AFAP1: variants seen among roughly 807,000 people sequenced by gnomAD.
AFAP1 encodes actin filament associated protein 1, also known as actin filament-associated protein 1.
A neutral mutation model predicts 93.9 loss-of-function variants in AFAP1; 75 were observed. The observed-to-expected ratio is 0.80, with a 90% CI of 0.66 to 0.97. The LOEUF (loss-of-function observed/expected upper bound fraction) is 0.97, where lower values mean the gene tolerates loss of function less well. Ranked by LOEUF, AFAP1 falls within the 50% of genes least tolerant of loss-of-function variation. The pLI is 0.00. For missense variants in AFAP1, 1,201 were observed against 1,050.8 expected (o/e 1.14, Z -1.98); for synonymous variants, 517 against 430.7 (o/e 1.20, Z -2.48).
intron 1 of AFAP1, among the ~76,000 whole-genome samples, chr4:7,915,741 C>A (rs925711317): frequency 1.1e-3 from 169 of 152,384 alleles, no homozygotes; most frequent in Non-Finnish European, 1.5e-3. Context: ...AGAACCCCCA[C>A]AAAACCACTT....
rs1430119572 is a variant in AFAP1, at chr4:7,798,635, C to T, written c.1266+1807G>A. Among the ~76,000 whole-genome samples, 4 of 152,204 alleles carry T rather than the reference C, an allele frequency of 2.6e-5. No homozygotes were observed. In the South Asian group the frequency reaches 6.2e-4, roughly 24 times the overall value. On this transcript the variant is annotated intron_variant, in intron 10 of 17. Transcript: ENST00000420658. ...TGGGTAAATTTCCAATTCTTGCTGT[C>T]GTGTCATTCAGGAAACTGCGTCTAC...
intron 1 of AFAP1, among the ~76,000 whole-genome samples, chr4:7,918,968 G>GCCAC: frequency 6.9e-6 from 1 of 144,852 alleles, no homozygotes; most frequent in Admixed American, 7.0e-5. Flanking sequence ...AGGGCTGTTG[G>GCCAC]AAGAGACACT....
intron 4 of AFAP1, among the ~76,000 whole-genome samples, chr4:7,853,013 C>T (rs1288294239): frequency 5.3e-5 from 8 of 152,108 alleles, no homozygotes; most frequent in Non-Finnish European, 1.2e-4. Context: ...TAGGCTCAAG[C>T]GTGCGCTGCT....
intron 1 of AFAP1, among the ~76,000 whole-genome samples, chr4:7,884,755 T>C (rs1718047206): frequency 1.3e-5 from 2 of 152,248 alleles, no homozygotes; most frequent in Admixed American, 1.3e-4. Flanking sequence ...ATGAATTCTT[T>C]TATAACCTGG....
intron 4 of AFAP1, among the ~76,000 whole-genome samples, chr4:7,844,480 C>T (rs1057408248): frequency 2.6e-5 from 4 of 152,230 alleles, no homozygotes; most frequent in Admixed American, 1.3e-4. Context: ...GACTAATACA[C>T]TAGGTCAAAT....
intron 1 of AFAP1, among the ~76,000 whole-genome samples, chr4:7,918,518 G>C (rs1161663291): frequency 7.6e-6 from 1 of 131,518 alleles, no homozygotes; most frequent in Non-Finnish European, 1.6e-5. Flanking sequence ...GCTGCCGGAA[G>C]AGACACTCGG....
intron 1 of AFAP1, among the ~76,000 whole-genome samples, chr4:7,914,324 G>A (rs906264624): frequency 6.6e-5 from 10 of 152,016 alleles, no homozygotes; most frequent in Admixed American, 2.0e-4. Flanking sequence ...CACAGTGCTG[G>A]GATTACAGGC....
intron 10 of AFAP1, among the ~76,000 whole-genome samples, chr4:7,798,352 A>G (rs1282196368): frequency 7.9e-6 from 1 of 126,410 alleles, no homozygotes; most frequent in Non-Finnish European, 1.7e-5. Flanking sequence ...GGCTCACAGC[A>G]CTGCAACTCT....
intron 4 of AFAP1, among the ~76,000 whole-genome samples, chr4:7,847,793 C>CAG (rs1553845890): frequency 9.8e-6 from 1 of 102,004 alleles, no homozygotes; most frequent in African/African-American, 3.5e-5. Flanking sequence ...CAGGGGTACT[C>CAG]GGGGTGGGGC....
chr4:7,843,154 T>C lies in AFAP1; in HGVS notation c.531A>G (p.Lys177=). Residue 177 remains lysine (K), a synonymous_variant, in exon 5 of 18, where the codon AAA becomes AAG. Transcript: ENST00000420658. ...GQWTKLLCVI[K]DTKLLCYKSS... is the part of the protein sequence containing the mutation. The stretch of plus-strand genomic sequence containing the variant: ...AATGTCTTACCAGCAGTTTGGTGTC[T>C]TTGATGACGCAGAGCAACTTGGTCC... 6.2e-7 allele frequency: 1 copy of C among 1,614,098 alleles called. No individual in the cohort carries two copies. Among genetic ancestry groups the C allele is most frequent in the Non-Finnish European group, 8.5e-7 (1 of 1,180,008 alleles).
intron 1 of AFAP1, among the ~76,000 whole-genome samples, chr4:7,881,511 G>T (rs547279827): frequency 6.6e-6 from 1 of 152,156 alleles, no homozygotes; most frequent in Admixed American, 6.5e-5. Flanking sequence ...GGCCAGGCGC[G>T]GTGGCTCCCA....
At chr4:7,774,433 T>A (rs1391958853) in intron 15 of AFAP1, 6 of 355,824 alleles carry the variant, frequency 1.7e-5, no homozygotes, top group Non-Finnish European at 2.5e-5. Flanking sequence ...GGGGCCATCC[T>A]CCAGACAATC....
chr4:7,796,432 A>G (rs1718423171), intron 10 of AFAP1, among the ~76,000 whole-genome samples: 1 of 152,214 alleles, frequency 6.6e-6, no homozygotes, highest in South Asian at 2.1e-4. Context: ...TCACGACAGT[A>G]AAGGATATAA....
chr4:7,787,871 C>T (rs1463901434), intron 11 of AFAP1, among the ~76,000 whole-genome samples: 1 of 152,164 alleles, frequency 6.6e-6, no homozygotes, highest in Non-Finnish European at 1.5e-5. Context: ...CCCGGCACTC[C>T]CCTGGCTCTC....
chr4:7,836,019 T>C (rs1201391882), intron 6 of AFAP1, among the ~76,000 whole-genome samples: 7 of 152,148 alleles, frequency 4.6e-5, no homozygotes, highest in Non-Finnish European at 7.4e-5. Context: ...GTTCTAGGAA[T>C]CAAGTTATTT....
At chr4:7,840,870 A>T (rs1244438542) in intron 5 of AFAP1, among the ~76,000 whole-genome samples, 1 of 152,216 alleles carries the variant, frequency 6.6e-6, no homozygotes, top group Admixed American at 6.5e-5. Flanking sequence ...AACCTTTTTA[A>T]TCGACATGTA....
At chr4:7,783,774 A>G (rs1717005431) in intron 12 of AFAP1, among the ~76,000 whole-genome samples, 3 of 152,238 alleles carry the variant, frequency 2.0e-5, no homozygotes, top group Non-Finnish European at 4.4e-5. Context: ...GTGGTTCCAC[A>G]GGGTGAAGAC....
At chr4:7,897,880 C>T (rs1718881393) in intron 1 of AFAP1, among the ~76,000 whole-genome samples, 1 of 152,076 alleles carries the variant, frequency 6.6e-6, no homozygotes, top group Non-Finnish European at 1.5e-5. Context: ...TTAGCATGCC[C>T]AAAACGCACT....
intron 1 of AFAP1, among the ~76,000 whole-genome samples, chr4:7,898,323 G>T (rs568901450): frequency 1.4e-4 from 22 of 151,956 alleles, no homozygotes; most frequent in Non-Finnish European, 2.8e-4. Context: ...CAGGAGAATC[G>T]CTTGAACCCA....
Sources: allele counts gnomAD v4.1 joint callset (sites outside exome capture counted in the v4.1 genomes callset), GRCh38; gene constraint gnomAD v4.1.1; transcripts MANE v1.5; gene names NCBI Gene and HGNC (gene_info 2026-07-23, HGNC 2026-07-21).